The following GPC5 variants were observed in gnomAD, a reference collection of about 807,000 sequenced individuals.
GPC5 encodes glypican 5, also known as glypican-5.
Under a neutral mutation model 53.9 loss-of-function variants are expected in GPC5, and 47 were observed. The ratio of observed to expected loss-of-function variants is 0.87; its 90% CI spans 0.69 to 1.11. GPC5 has a LOEUF of 1.11. Ranked by LOEUF, GPC5 falls within the 50% of genes most tolerant of loss-of-function variation. The pLI is 0.00. For synonymous variants in GPC5, 286 were observed against 263.3 expected, an observed-to-expected ratio of 1.09 and a Z score of -0.84; for missense variants, 748 against 713.1, an observed-to-expected ratio of 1.05 and a Z score of -0.56.
intron 7 of GPC5, among the ~76,000 whole-genome samples, chr13:92,642,706 C>A (rs184994497): frequency 6.6e-6 from 1 of 152,232 alleles, no homozygotes; most frequent in East Asian, 1.9e-4. Flanking sequence ...CCGAGGGGAG[C>A]TTAAATGTTC....
rs71202562 is a variant in GPC5 at position 92,787,667 on chromosome 13, C to CAAAAAA, written c.1562-78604_1562-78599dup. Among the ~76,000 whole-genome samples the CAAAAAA allele has an allele frequency of 6.6e-4, 37 of 56,002 alleles. 1 individual carries two copies. Among genetic ancestry groups the CAAAAAA allele is most frequent in the African/African-American group, 1.8e-3 (25 of 14,016 alleles). 36.7% of individuals were successfully genotyped at this position (56,002 alleles called of 152,430 possible). On this transcript the variant is annotated intron_variant, in intron 7 of 7. Coordinates refer to ENST00000377067, the MANE Select transcript of GPC5 (RefSeq NM_004466.6). Reference sequence around the variant, plus strand: ...GGGCAACAGAGAGACCTCATAGCTACAAAAAAAAAAAAAAAAGAAAAGAAA... The same window carrying CAAAAAA: ...GGGCAACAGAGAGACCTCATAGCTACAAAAAAAAAAAAAAAAAAAAAAGAAAAGAAA...
Position 92,243,520 on chromosome 13 carries a change from T to G in GPC5, c.1561+98531T>G, listed in dbSNP as rs1373878336. Among the ~76,000 whole-genome samples the G allele has an allele frequency of 3.3e-5, 5 of 152,070 alleles. No homozygotes were observed. In the South Asian group the frequency reaches 1.0e-3, roughly 31 times the overall value. ...ACTGAAAAATAACTAGATATGAGACTCATCTTAAAGGTTGATATTATAGGA... is the reference window on the plus strand; with the variant it reads ...ACTGAAAAATAACTAGATATGAGACGCATCTTAAAGGTTGATATTATAGGA... On this transcript the variant is annotated intron_variant, in intron 7 of 7. Transcript: ENST00000377067.
chr13:91,500,326 C>T (rs890457947), intron 2 of GPC5, among the ~76,000 whole-genome samples: 1 of 152,196 alleles, frequency 6.6e-6, no homozygotes, highest in Non-Finnish European at 1.5e-5. Flanking sequence ...ATAGAGAAGT[C>T]TCTTTTTCCA....
chr13:92,146,758 A>G (rs888151127), intron 7 of GPC5, among the ~76,000 whole-genome samples: 8 of 152,108 alleles, frequency 5.3e-5, no homozygotes, highest in Admixed American at 2.0e-4. Context: ...AGAAAATACA[A>G]TGTTTGGTTT....
intron 7 of GPC5, among the ~76,000 whole-genome samples, chr13:92,665,012 CA>C (rs35215868): frequency 2.1e-4 from 32 of 151,626 alleles, no homozygotes; most frequent in East Asian, 1.4e-3. Flanking sequence ...TATTGTGTTA[CA>C]AAAAAAACAG....
intron 7 of GPC5, among the ~76,000 whole-genome samples, chr13:92,421,144 A>C (rs538596739): frequency 1.5e-4 from 23 of 152,308 alleles, no homozygotes; most frequent in African/African-American, 5.5e-4. Context: ...ATCTTTGCCA[A>C]GTTCCATAAC....
intron 7 of GPC5, among the ~76,000 whole-genome samples, chr13:92,300,554 G>A (rs1411384047): frequency 6.6e-6 from 1 of 152,174 alleles, no homozygotes; most frequent in Non-Finnish European, 1.5e-5. Context: ...GATCAGTCAA[G>A]AGAAGTTAAT....
At chr13:91,519,580 G>A (rs78989063) in intron 2 of GPC5, among the ~76,000 whole-genome samples, 11,098 of 152,222 alleles carry the variant, frequency 0.073, 508 homozygotes, top group Middle Eastern at 0.13. Context: ...TTTGCTTTCT[G>A]TCATGATTGT....
At chr13:91,557,325 G>A (rs2031016066) in intron 2 of GPC5, among the ~76,000 whole-genome samples, 1 of 152,036 alleles carries the variant, frequency 6.6e-6, no homozygotes, top group Admixed American at 6.6e-5. Flanking sequence ...ATCTTTTCAT[G>A]TGCTTATTTG....
chr13:92,026,066 A>G lies in GPC5; in HGVS notation c.1401+118009A>G, dbSNP rs1398679906. Among the ~76,000 whole-genome samples, 3 of 152,164 alleles carry G rather than the reference A, an allele frequency of 2.0e-5. No homozygotes were observed. In the East Asian group the frequency reaches 5.8e-4, roughly 29 times the overall value. ...TTCCGAGCAGGAGTAGAATTGTAAC[A>G]AAAATGATTGCTTTTAAGTAAAGAC... On this transcript the variant is annotated intron_variant, in intron 6 of 7. Transcript: ENST00000377067.
At chr13:92,796,604 T>C (rs1039656715) in intron 7 of GPC5, among the ~76,000 whole-genome samples, 2 of 151,936 alleles carry the variant, frequency 1.3e-5, no homozygotes, top group Non-Finnish European at 2.9e-5. Context: ...GATTCTCTAG[T>C]GCTAGAATAG....
rs1209257896 is a variant in GPC5 at position 91,579,455 on chromosome 13, G to T, written c.326-113732G>T. On this transcript the variant is annotated intron_variant, in intron 2 of 7. Transcript: ENST00000377067. ...TCTTCCCTCTTGTCAGTTCTGCTACGGCATGGAATCACACTGGACTCACCA... is the reference window on the plus strand; with the variant it reads ...TCTTCCCTCTTGTCAGTTCTGCTACTGCATGGAATCACACTGGACTCACCA... 5.3e-5 allele frequency among the ~76,000 whole-genome samples: 8 copies of T among 151,990 alleles called. No individual in the cohort carries two copies. The East Asian group carries it at 1.5e-3, about 29-fold the overall frequency.
chr13:92,838,488 C>G (rs117863345), intron 7 of GPC5, among the ~76,000 whole-genome samples: 2 of 137,814 alleles, frequency 1.5e-5, no homozygotes, highest in Non-Finnish European at 3.2e-5. Flanking sequence ...GCGCCCCCCC[C>G]AAAAAAAAAA....
At chr13:91,998,576 C>G (rs1489741443) in intron 6 of GPC5, among the ~76,000 whole-genome samples, 1 of 152,078 alleles carries the variant, frequency 6.6e-6, no homozygotes, top group African/African-American at 2.4e-5. Flanking sequence ...CATAGAACCA[C>G]CTGTTATTAT....
chr13:92,658,622 T>C (rs2139179895), intron 7 of GPC5, among the ~76,000 whole-genome samples: 1 of 152,304 alleles, frequency 6.6e-6, no homozygotes, highest in South Asian at 2.1e-4. Context: ...TTGTTTCTGT[T>C]GTTTCAGAAT....
At chr13:92,263,903 C>T (rs748545370) in intron 7 of GPC5, among the ~76,000 whole-genome samples, 10 of 151,934 alleles carry the variant, frequency 6.6e-5, no homozygotes, top group African/African-American at 1.7e-4. Context: ...GGAATTGCTG[C>T]GATAATTTCA....
intron 7 of GPC5, among the ~76,000 whole-genome samples, chr13:92,414,110 C>A (rs1487007656): frequency 6.6e-6 from 1 of 152,090 alleles, no homozygotes; most frequent in African/African-American, 2.4e-5. Flanking sequence ...CTTTGCTAGT[C>A]GGAGAATGCA....
intron 2 of GPC5, among the ~76,000 whole-genome samples, chr13:91,676,367 G>A (rs1375972802): frequency 3.9e-5 from 6 of 152,066 alleles, no homozygotes; most frequent in Non-Finnish European, 7.4e-5. Context: ...CACCGCACCC[G>A]GCCACCTTTG....
intron 6 of GPC5, among the ~76,000 whole-genome samples, chr13:91,913,928 G>A (rs544215248): frequency 1.6e-4 from 25 of 152,284 alleles, no homozygotes; most frequent in Non-Finnish European, 2.4e-4. Flanking sequence ...AGATGTTTGC[G>A]TCAGACTCAA....
Sources: allele counts gnomAD v4.1 joint callset (sites outside exome capture counted in the v4.1 genomes callset), GRCh38; gene constraint gnomAD v4.1.1; transcripts MANE v1.5; gene names NCBI Gene and HGNC (gene_info 2026-07-23, HGNC 2026-07-21).